Variants in MATN3 observed in about 807,000 individuals in gnomAD.
The protein encoded by MATN3 is matrilin 3.
MATN3 carries 48 observed loss-of-function variants against 45.3 expected under a neutral mutation model. The observed-to-expected ratio is 1.06, with a 90% CI of 0.84 to 1.35. The LOEUF (loss-of-function observed/expected upper bound fraction) is 1.35, where lower values mean the gene tolerates loss of function less well. Among genes scored for constraint, MATN3 ranks in the 40% most tolerant of loss-of-function variants. The pLI is 0.00. For synonymous variants in MATN3, 217 were observed against 245.9 expected (o/e 0.88, Z 1.10); for missense variants, 599 against 628.0 (o/e 0.95, Z 0.49).
chr2:20,007,387 G>A (rs1242256570), intron 1 of MATN3, among the ~76,000 whole-genome samples: 1 of 151,796 alleles, frequency 6.6e-6, no homozygotes, highest in African/African-American at 2.4e-5. Flanking sequence ...AAATTAGCGG[G>A]TCGTAGTGGC....
intron 7 of MATN3, 47 bp from the exon 8 acceptor site, chr2:19,993,213 A>G: frequency 7.4e-7 from 1 of 1,358,294 alleles, no homozygotes; most frequent in Non-Finnish European, 1.1e-6. Context: ...CACATTAGAA[A>G]ATATAAACAC....
intron 2 of MATN3, among the ~76,000 whole-genome samples, chr2:20,004,577 C>T (rs1029122840): frequency 6.6e-6 from 1 of 152,208 alleles, no homozygotes; most frequent in Admixed American, 6.5e-5. Flanking sequence ...CCAAACGTTG[C>T]CCCAGAGCAA....
chr2:19,994,339 C>G lies in MATN3; in HGVS notation c.1365G>C (p.Gln455His). ...ACGCEATLAF[Q>H]DKVSSYLQRL... ...TTTGAAGATACGAGCTGACCTTGTC[C>G]TGGAATGCCAGTGTAGCTTCACATC... Residue 455 changes from glutamine (Q) to histidine (H), a missense_variant, in exon 7 of 8, where the codon CAG (glutamine) becomes CAC (histidine). Physicochemically the swap from Gln to His is conservative, Grantham distance 24 (BLOSUM62 0). Coordinates refer to ENST00000407540, the MANE Select transcript of MATN3 (RefSeq NM_002381.5). 1 of 1,613,596 alleles carries G rather than the reference C, an allele frequency of 6.2e-7. No individual in the cohort carries two copies. Among genetic ancestry groups the G allele is most frequent in the Non-Finnish European group, 8.5e-7 (1 of 1,179,676 alleles).
At chr2:20,008,549 T>C (rs954568006) in intron 1 of MATN3, among the ~76,000 whole-genome samples, 2 of 152,256 alleles carry the variant, frequency 1.3e-5, no homozygotes, top group African/African-American at 4.8e-5. Context: ...AATTATCTTC[T>C]TGTTTTTAGC....
At chr2:20,008,514 G>A (rs1225320689) in intron 1 of MATN3, among the ~76,000 whole-genome samples, 1 of 152,182 alleles carries the variant, frequency 6.6e-6, no homozygotes. Context: ...TTATGTCTCT[G>A]TCTAGTTTTC....
intron 5 of MATN3, among the ~76,000 whole-genome samples, chr2:19,999,775 T>G (rs1329780104): frequency 6.6e-6 from 1 of 152,184 alleles, no homozygotes; most frequent in African/African-American, 2.4e-5. Context: ...AACGGCACCT[T>G]GAGAGCTTGG....
At chr2:20,003,114 G>T in intron 3 of MATN3, 47 bp downstream of exon 3, 1 of 1,605,796 alleles carries the variant, frequency 6.2e-7, no homozygotes, top group Non-Finnish European at 8.5e-7. Context: ...CTGGAGCATA[G>T]GTTCCCAAGT....
At chr2:20,004,923 T>A (rs1271152061) in intron 2 of MATN3, among the ~76,000 whole-genome samples, 1 of 152,134 alleles carries the variant, frequency 6.6e-6, no homozygotes, top group African/African-American at 2.4e-5. Flanking sequence ...GATAAAAAAA[T>A]AAAGCATGAG....
intron 1 of MATN3, among the ~76,000 whole-genome samples, chr2:20,008,156 T>A (rs1013818190): frequency 1.3e-5 from 2 of 151,914 alleles, no homozygotes; most frequent in African/African-American, 4.8e-5. Context: ...AGAGACGGGG[T>A]TTCACTATGT....
rs768516528 is a variant in MATN3, at chr2:20,012,082, CT to C, written c.223+326del. On this transcript the variant is annotated intron_variant, in intron 1 of 7. Coordinates refer to ENST00000407540, the MANE Select transcript of MATN3 (RefSeq NM_002381.5). The surrounding 1 kb of genome is among the most constrained non-coding windows in gnomAD (Gnocchi z 4.3). ...CAGAGTCTCAGGAAGGGTTTGCTCA[CT>C]GAATGGAGAGGTCAGGACTGGGACG... 1.3e-4 allele frequency among the ~76,000 whole-genome samples: 20 copies of C among 152,184 alleles called. No homozygotes were observed. The highest frequency in any genetic ancestry group is 2.5e-4 in the Non-Finnish European group (17 of 68,022).
rs1444378628 is a variant in MATN3, at chr2:19,992,819, GTAGA to G, written c.*288_*291del. On this transcript the variant is annotated 3_prime_UTR_variant, in exon 8 of 8. Coordinates refer to ENST00000407540, the MANE Select transcript of MATN3 (RefSeq NM_002381.5). Reference sequence around the variant, plus strand: ...ATTTAAAAATTAAATGGCTCAATTAGTAGATAAAGAAACACTAAACTTTTCATTC... The same window carrying G: ...ATTTAAAAATTAAATGGCTCAATTAGTAAAGAAACACTAAACTTTTCATTC... 3 of 339,578 alleles carry G rather than the reference GTAGA, an allele frequency of 8.8e-6. No homozygotes were observed. Among genetic ancestry groups the G allele is most frequent in the Non-Finnish European group, 1.6e-5 (3 of 188,602 alleles). The allele number at this position is 339,578 out of a possible 1,614,324, so 21.0% of individuals were successfully genotyped here.
In MATN3 at chr2:20,012,573, A is replaced by G. The variant is rs2103487223; in HGVS notation, c.59T>C (p.Leu20Pro). The G allele has an allele frequency of 1.6e-6, 2 of 1,225,690 alleles. No homozygotes were observed. The highest frequency in any genetic ancestry group is 2.0e-6 in the Non-Finnish European group (2 of 984,726). The allele number at this position is 1,225,690 out of a possible 1,614,324, so 75.9% of individuals were successfully genotyped here. Residue 20 changes from leucine (L) to proline (P), a missense_variant, in exon 1 of 8, where the codon CTG becomes CCG. Physicochemically the swap from Leu to Pro is moderately conservative, Grantham distance 98. Transcript: ENST00000407540. This position sits in a 1 kb window ranked among gnomAD's most constrained non-coding sequence, Gnocchi z 4.3. The stretch of plus-strand genomic sequence containing the variant: ...GGGGGCGGCGGAGGGCAGCAGCAGC[A>G]GCGGCCAGAGCAGCAGGAGGAGTCC... ...LPGLLLLLWP[L>P]LLLPSAAPDP...
At chr2:20,009,889 T>A (rs1345055042) in intron 1 of MATN3, among the ~76,000 whole-genome samples, 2 of 151,856 alleles carry the variant, frequency 1.3e-5, no homozygotes, top group African/African-American at 4.8e-5. Context: ...GTCCCACCTT[T>A]TAGGACCAAA....
At chr2:20,004,600 C>A (rs1673061166) in intron 2 of MATN3, among the ~76,000 whole-genome samples, 1 of 152,212 alleles carries the variant, frequency 6.6e-6, no homozygotes, top group African/African-American at 2.4e-5. Context: ...CTTCATCTCC[C>A]TTTTCCTGAC....
At chr2:19,993,263 T>A in intron 7 of MATN3, 97 bp from the exon 8 acceptor site, 2 of 949,402 alleles carry the variant, frequency 2.1e-6, no homozygotes, top group African/African-American at 1.7e-5. Flanking sequence ...TTATGTCCTA[T>A]GAGAAGTGAA....
chr2:19,993,014 A>G lies in MATN3; in HGVS notation c.*97T>C. ...GCATTAATACAGATAATGGCAAATT[A>G]TTAGCAGGAACATTGGCAATAACAG... On this transcript the variant is annotated 3_prime_UTR_variant, in exon 8 of 8. Coordinates refer to ENST00000407540, the MANE Select transcript of MATN3 (RefSeq NM_002381.5). 1 of 940,972 alleles carries G rather than the reference A, an allele frequency of 1.1e-6. No homozygotes were observed. The highest frequency in any genetic ancestry group is 1.7e-6 in the Non-Finnish European group (1 of 579,068). 58.3% of individuals were successfully genotyped at this position (940,972 alleles called of 1,614,324 possible).
chr2:19,996,731 C>T (rs907947449), intron 6 of MATN3, among the ~76,000 whole-genome samples: 3 of 152,096 alleles, frequency 2.0e-5, no homozygotes, highest in Non-Finnish European at 2.9e-5. Flanking sequence ...ATTGTTTCAT[C>T]GGCACAGACT....
intron 1 of MATN3, among the ~76,000 whole-genome samples, chr2:20,007,691 AC>A (rs1407827900): frequency 1.3e-5 from 2 of 152,140 alleles, no homozygotes; most frequent in African/African-American, 2.4e-5. Context: ...TTATTCATTC[AC>A]CAAAAACATT....
intron 1 of MATN3, among the ~76,000 whole-genome samples, chr2:20,011,690 G>A (rs555391397): frequency 2.0e-5 from 3 of 152,312 alleles, no homozygotes; most frequent in African/African-American, 7.2e-5. Flanking sequence ...CCTTGCTTGG[G>A]ATTTCGGAGC....
Sources: gnomAD v4.1 joint callset for allele counts (sites outside exome capture counted in the v4.1 genomes callset) on GRCh38, gnomAD v4.1.1 for gene constraint, Gnocchi (gnomAD v3.1) non-coding constraint, MANE v1.5 for transcripts, NCBI Gene and HGNC (gene_info 2026-07-23, HGNC 2026-07-21) for gene names.